Variants in RIMBP2 observed in about 807,000 individuals in gnomAD.
RIMBP2 encodes the protein RIMS-binding protein 2.
RIMBP2 carries 48 observed loss-of-function variants against 118.6 expected under a neutral mutation model. That is an observed-to-expected ratio of 0.40 (90% CI 0.32 to 0.51). The LOEUF is 0.51. RIMBP2 is among the 20% of genes least tolerant of loss of function. RIMBP2 has a pLI of 0.41. For synonymous variants in RIMBP2, 762 were observed against 742.9 expected, an observed-to-expected ratio of 1.03 and a Z score of -0.42; for missense variants, 1,551 against 1,768.3, an observed-to-expected ratio of 0.88 and a Z score of 2.20.
Position 130,581,016 on chromosome 12 carries a change from T to C in RIMBP2, c.-217+47306A>G, listed in dbSNP as rs895679091. Among the ~76,000 whole-genome samples the C allele has an allele frequency of 2.8e-4, 42 of 152,112 alleles. No homozygotes were observed. Among genetic ancestry groups the C allele is most frequent in the African/African-American group, 1.0e-3 (42 of 41,410 alleles). ...AAATATCTCCTATCTTGGCTCCAGC[T>C]TTTTTCAGTGCCACCCACACACTGT... is the stretch of plus-strand genomic sequence containing the variant. On this transcript the variant is annotated intron_variant, in intron 2 of 22. Transcript: ENST00000690449. The surrounding 1 kb of genome is among the most constrained non-coding windows in gnomAD (Gnocchi z 4.4).
rs1008098549 is a variant in RIMBP2, at chr12:130,447,135, G to A, written c.582-1866C>T. On this transcript the variant is annotated intron_variant, in intron 9 of 22. Transcript: ENST00000690449. This position sits in a 1 kb window ranked among gnomAD's most constrained non-coding sequence, Gnocchi z 4.4. ...GAGCCCCCAGGCCACGCCTTCAGGA[G>A]TGCCCACACCTGACGCTCAGGAAGA... Among the ~76,000 whole-genome samples, 4 of 151,878 alleles carry A rather than the reference G, an allele frequency of 2.6e-5. No individual in the cohort carries two copies. Among genetic ancestry groups the A allele is most frequent in the African/African-American group, 9.7e-5 (4 of 41,326 alleles).
chr12:130,409,503 C>T (rs1393925690), intron 19 of RIMBP2, among the ~76,000 whole-genome samples: 2 of 151,950 alleles, frequency 1.3e-5, no homozygotes, highest in Non-Finnish European at 2.9e-5. Context: ...CCACCACGCC[C>T]GGCTAATTTT....
intron 2 of RIMBP2, among the ~76,000 whole-genome samples, chr12:130,610,701 C>T (rs2060484801): frequency 1.3e-5 from 2 of 151,460 alleles, no homozygotes; most frequent in South Asian, 4.2e-4. Context: ...GCTGGGACTA[C>T]AGGCGCCCGC....
chr12:130,494,033 C>G (rs2048895575), intron 4 of RIMBP2, among the ~76,000 whole-genome samples: 1 of 152,212 alleles, frequency 6.6e-6, no homozygotes, highest in Non-Finnish European at 1.5e-5. Flanking sequence ...GTGGGAAAGA[C>G]AAGCGTTGAT....
intron 4 of RIMBP2, among the ~76,000 whole-genome samples, chr12:130,500,934 G>A (rs1263209717): frequency 1.3e-5 from 2 of 152,120 alleles, no homozygotes; most frequent in Admixed American, 1.3e-4. Flanking sequence ...GAACAACATG[G>A]GTTTCTTGAG....
rs1047229953 is a variant in RIMBP2 at position 130,523,476 on chromosome 12, A to T, written c.-216-5559T>A. On this transcript the variant is annotated intron_variant, in intron 2 of 22. Coordinates refer to ENST00000690449, the MANE Select transcript of RIMBP2 (RefSeq NM_001393629.1). This position sits in a 1 kb window ranked among gnomAD's most constrained non-coding sequence, Gnocchi z 4.4. ...CAACGAGACATGGACAGGAGCCTTC[A>T]CAGTGTCTCCCGAGGCAGCTCAAGG... is the stretch of plus-strand genomic sequence containing the variant. Among the ~76,000 whole-genome samples the T allele has an allele frequency of 6.6e-6, 1 of 152,154 alleles. No individual in the cohort carries two copies. Among genetic ancestry groups the T allele is most frequent in the Non-Finnish European group, 1.5e-5 (1 of 68,032 alleles).
intron 6 of RIMBP2, among the ~76,000 whole-genome samples, chr12:130,467,821 G>A (rs2080630950): frequency 6.6e-6 from 1 of 152,136 alleles, no homozygotes; most frequent in Non-Finnish European, 1.5e-5. Context: ...AGACAGCCTT[G>A]GGCACATGTC....
chr12:130,483,776 TAC>T (rs2082240493), intron 4 of RIMBP2, among the ~76,000 whole-genome samples: 1 of 111,392 alleles, frequency 9.0e-6, no homozygotes, highest in South Asian at 3.5e-4. Context: ...ATCCCTCACC[TAC>T]ACACAGTGCC....
Position 130,511,682 on chromosome 12 carries a change from C to T in RIMBP2, c.-126-4912G>A, listed in dbSNP as rs1484573479. ...GACCAGACTGAGACCGTCTGTGACA[C>T]GGTTCTGATGAGCCTGGAGCAGAAA... On this transcript the variant is annotated intron_variant, in intron 3 of 22. Coordinates refer to ENST00000690449, the MANE Select transcript of RIMBP2 (RefSeq NM_001393629.1). The surrounding 1 kb of genome is among the most constrained non-coding windows in gnomAD (Gnocchi z 4.3). 6.6e-6 allele frequency among the ~76,000 whole-genome samples: 1 copy of T among 152,202 alleles called. No homozygotes were observed. Among genetic ancestry groups the T allele is most frequent in the Non-Finnish European group, 1.5e-5 (1 of 68,038 alleles).
chr12:130,482,131 G>A (rs1378922618), intron 4 of RIMBP2, among the ~76,000 whole-genome samples: 1 of 152,240 alleles, frequency 6.6e-6, no homozygotes, highest in African/African-American at 2.4e-5. Context: ...CCACCTCAGT[G>A]CGGTGTGGCT....
intron 1 of RIMBP2, among the ~76,000 whole-genome samples, chr12:130,698,950 C>A (rs2065704590): frequency 6.6e-6 from 1 of 152,082 alleles, no homozygotes; most frequent in South Asian, 2.1e-4. Context: ...CAAAAGAAGA[C>A]ATTTATGCAG....
chr12:130,691,758 C>T (rs187008762), intron 1 of RIMBP2, among the ~76,000 whole-genome samples: 41 of 152,318 alleles, frequency 2.7e-4, no homozygotes, highest in African/African-American at 7.5e-4. Flanking sequence ...CTCATGCAGA[C>T]GGTGCAGCAC....
chr12:130,506,634 G>A lies in RIMBP2; in HGVS notation c.-4+14C>T, dbSNP rs1182934288. 1 of 985,570 alleles carries A rather than the reference G, an allele frequency of 1.0e-6. No homozygotes were observed. Among genetic ancestry groups the A allele is most frequent in the Non-Finnish European group, 1.2e-6 (1 of 829,938 alleles). The allele number at this position is 985,570 out of a possible 1,614,324, so 61.1% of individuals were successfully genotyped here. ...AAGAGCAGAAGCGGTCCCAAATGCA[G>A]AAAGCCAGCTTACCTTCAGGACCTG... On this transcript the variant is annotated intron_variant, in intron 4 of 22. Coordinates refer to ENST00000690449, the MANE Select transcript of RIMBP2 (RefSeq NM_001393629.1).
chr12:130,556,852 C>T lies in RIMBP2; in HGVS notation c.-216-38935G>A, dbSNP rs1042671896. On this transcript the variant is annotated intron_variant, in intron 2 of 22. Coordinates refer to ENST00000690449, the MANE Select transcript of RIMBP2 (RefSeq NM_001393629.1). ...TGAGATGTGGAGAAGGTCAGAGCACCGGGCCAGTGAGCAAGTGAGCCAGCA... is the reference window on the plus strand; with the variant it reads ...TGAGATGTGGAGAAGGTCAGAGCACTGGGCCAGTGAGCAAGTGAGCCAGCA... 5.3e-5 allele frequency among the ~76,000 whole-genome samples: 8 copies of T among 152,066 alleles called. No individual in the cohort carries two copies. The South Asian group carries it at 6.2e-4, about 12-fold the overall frequency.
At chr12:130,470,419 C>T (rs1040230759) in intron 6 of RIMBP2, 1 of 347,090 alleles carries the variant, frequency 2.9e-6, no homozygotes, top group African/African-American at 2.1e-5. Context: ...CAGCAGACCA[C>T]ATCTGAGACA....
chr12:130,407,349 CTA>C (rs2075274769), intron 20 of RIMBP2, among the ~76,000 whole-genome samples: 1 of 152,226 alleles, frequency 6.6e-6, no homozygotes, highest in African/African-American at 2.4e-5. Context: ...CTCTACTGTT[CTA>C]TGTGTGGGGC....
chr12:130,462,975 T>A (rs2080139560), intron 6 of RIMBP2, among the ~76,000 whole-genome samples: 1 of 152,236 alleles, frequency 6.6e-6, no homozygotes, highest in Non-Finnish European at 1.5e-5. Flanking sequence ...ACATCCAGCT[T>A]GTTTGCACCT....
intron 14 of RIMBP2, 126 bp from the exon 15 acceptor site, chr12:130,428,463 C>T: frequency 1.1e-6 from 1 of 947,138 alleles, no homozygotes; most frequent in South Asian, 1.7e-5. Flanking sequence ...TAGAGACGGG[C>T]ACAGGGTGTG....
chr12:130,500,976 C>T (rs544401188), intron 4 of RIMBP2, among the ~76,000 whole-genome samples: 2 of 152,212 alleles, frequency 1.3e-5, no homozygotes, highest in Non-Finnish European at 2.9e-5. Flanking sequence ...AGTGGGAACC[C>T]GGAGCTCTCC....
Sources: allele counts gnomAD v4.1 joint callset (sites outside exome capture counted in the v4.1 genomes callset), GRCh38; gene constraint gnomAD v4.1.1; non-coding constraint Gnocchi (gnomAD v3.1); transcripts MANE v1.5; gene names NCBI Gene and HGNC (gene_info 2026-07-23, HGNC 2026-07-21).